Variants in ENOX2 observed in about 807,000 individuals in gnomAD.
The protein encoded by ENOX2 is ecto-NOX disulfide-thiol exchanger 2.
Under a neutral mutation model 45.0 loss-of-function variants are expected in ENOX2, and 36 were observed. The observed-to-expected ratio is 0.80, with a 90% CI of 0.61 to 1.06. The LOEUF is 1.06. Ranked by LOEUF, ENOX2 falls within the 50% of genes least tolerant of loss-of-function variation. ENOX2 has a pLI of 0.00. For synonymous variants in ENOX2, 174 were observed against 152.3 expected, an observed-to-expected ratio of 1.14 and a Z score of -1.05; for missense variants, 423 against 462.5, an observed-to-expected ratio of 0.91 and a Z score of 0.78.
At chrX:130,663,234 C>CA (rs1569482477) in intron 9 of ENOX2, among the ~76,000 whole-genome samples, 1 of 112,125 alleles carries the variant, frequency 8.9e-6, no homozygotes, top group Non-Finnish European at 1.9e-5. Context: ...ACATAGTTTG[C>CA]AAAAGTGTTG....
In ENOX2 at chrX:130,624,937, A is replaced by G; in HGVS notation, c.*377T>C. The G allele has an allele frequency of 7.7e-6, 1 of 130,047 alleles. No individual in the cohort carries two copies. The highest frequency in any genetic ancestry group is 1.5e-5 in the Non-Finnish European group (1 of 64,699). 10.7% of individuals were successfully genotyped at this position (130,047 alleles called of 1,213,427 possible). On this transcript the variant is annotated 3_prime_UTR_variant, in exon 15 of 15. Coordinates refer to ENST00000394363, the MANE Select transcript of ENOX2 (RefSeq NM_006375.4). ...ACATTAATGTAAAGAGAAGTTTAGA[A>G]ACACAAATCACATACAAATCATCAA...
chrX:130,748,805 G>A (rs1394596065), intron 3 of ENOX2, among the ~76,000 whole-genome samples: 1 of 111,681 alleles, frequency 9.0e-6, no homozygotes, highest in East Asian at 2.8e-4. Flanking sequence ...TTGATGCCCT[G>A]GAGTACTGAA....
At position 130,757,828 on chromosome X, in the gene ENOX2, G is replaced by A. The variant is rs538531402; in HGVS notation, c.-39+25719C>T. 3.6e-4 allele frequency among the ~76,000 whole-genome samples: 40 copies of A among 109,717 alleles called. No homozygotes were observed. The South Asian group carries it at 0.014, about 39-fold the overall frequency. On this transcript the variant is annotated intron_variant, in intron 3 of 14. Coordinates refer to ENST00000394363, the MANE Select transcript of ENOX2 (RefSeq NM_006375.4). ...AGCTCACTGCAGCCTCGACCTCCCAGGCTTAAGCAGTCTTCTTAGCTCAGC... is the reference window on the plus strand; with the variant it reads ...AGCTCACTGCAGCCTCGACCTCCCAAGCTTAAGCAGTCTTCTTAGCTCAGC...
At chrX:130,749,794 GTCTC>G (rs1347380974) in intron 3 of ENOX2, among the ~76,000 whole-genome samples, 1 of 109,741 alleles carries the variant, frequency 9.1e-6, no homozygotes, top group Non-Finnish European at 1.9e-5. Flanking sequence ...TTTGCAATTT[GTCTC>G]TCTGCTTGCA....
intron 3 of ENOX2, among the ~76,000 whole-genome samples, chrX:130,766,301 TG>T (rs2148363292): frequency 8.9e-6 from 1 of 112,044 alleles, no homozygotes; most frequent in African/African-American, 3.2e-5. Flanking sequence ...TCTATGGGAC[TG>T]CTTATGTTTT....
intron 2 of ENOX2, among the ~76,000 whole-genome samples, chrX:130,898,250 C>T (rs1272159676): frequency 8.9e-6 from 1 of 111,868 alleles, no homozygotes; most frequent in East Asian, 2.8e-4. Context: ...TCAGGTGATC[C>T]GCCTGCCTTG....
chrX:130,753,757 T>G (rs2039283438), intron 3 of ENOX2, among the ~76,000 whole-genome samples: 1 of 112,060 alleles, frequency 8.9e-6, no homozygotes, highest in African/African-American at 3.2e-5. Flanking sequence ...TCCATTCATC[T>G]ATTGATACAC....
intron 3 of ENOX2, among the ~76,000 whole-genome samples, chrX:130,750,027 TTC>T (rs1305883722): frequency 9.1e-6 from 1 of 110,384 alleles, no homozygotes; most frequent in Admixed American, 9.7e-5. Context: ...TCTTTCTTTC[TTC>T]TCTCTCTCTG....
chrX:130,693,590 A>T (rs959514787), intron 4 of ENOX2, among the ~76,000 whole-genome samples: 1 of 112,264 alleles, frequency 8.9e-6, no homozygotes, highest in Non-Finnish European at 1.9e-5. Context: ...AATTAATATG[A>T]TTGCAGATAT....
In ENOX2 at chrX:130,753,474, C is replaced by T. The variant is rs190300262; in HGVS notation, c.-39+30073G>A. Among the ~76,000 whole-genome samples the T allele has an allele frequency of 3.7e-3, 410 of 111,439 alleles. 1 individual carries two copies. The highest frequency in any genetic ancestry group is 0.012 in the African/African-American group (371 of 30,699). ...TCTGCCTTTCTGTTTTTCCATCTGA[C>T]TGGCTCTGTCTCTCCTTCTTGGTCT... On this transcript the variant is annotated intron_variant, in intron 3 of 14. Transcript: ENST00000394363.
chrX:130,832,440 TACACACAC>T (rs61623401), intron 2 of ENOX2, among the ~76,000 whole-genome samples: 20 of 91,063 alleles, frequency 2.2e-4, no homozygotes, highest in Admixed American at 8.4e-4. Context: ...CACACACACA[TACACACAC>T]ACACACACAC....
chrX:130,658,537 C>T (rs2036604072), intron 9 of ENOX2, among the ~76,000 whole-genome samples: 1 of 111,499 alleles, frequency 9.0e-6, no homozygotes, highest in African/African-American at 3.3e-5. Context: ...TCAAAGAGCT[C>T]AGTGAACCCC....
At chrX:130,889,693 A>G (rs1204151494) in intron 2 of ENOX2, among the ~76,000 whole-genome samples, 1 of 112,181 alleles carries the variant, frequency 8.9e-6, no homozygotes, top group East Asian at 2.8e-4. Flanking sequence ...ACCTACTATA[A>G]TAAAAAGTGC....
chrX:130,821,338 ACAC>A (rs1395012845), intron 2 of ENOX2, among the ~76,000 whole-genome samples: 1 of 97,310 alleles, frequency 1.0e-5, no homozygotes, highest in Admixed American at 1.2e-4. Flanking sequence ...TGGCACATAT[ACAC>A]CATGGAATAC....
rs769237011 is a variant in ENOX2 at position 130,766,078 on chromosome X, T to C, written c.-39+17469A>G. Among the ~76,000 whole-genome samples, 7 of 111,808 alleles carry C rather than the reference T, an allele frequency of 6.3e-5. No homozygotes were observed. In the South Asian group the frequency reaches 2.2e-3, roughly 35 times the overall value. ...TGCAATAGATGTCTTAAGGCATTAG[T>C]ACTTTGTTCTTTCCAGGAACCCCAA... On this transcript the variant is annotated intron_variant, in intron 3 of 14. Transcript: ENST00000394363.
rs67776619 is a variant in ENOX2 at position 130,742,245 on chromosome X, C to CTT, written c.-38-38993_-38-38992dup. On this transcript the variant is annotated intron_variant, in intron 3 of 14. Coordinates refer to ENST00000394363, the MANE Select transcript of ENOX2 (RefSeq NM_006375.4). ...TGTCTGGTTTGGTACAGATAATTTCCTTTTTTTTTTTTTTTTTTTTTTTTT... is the reference window on the plus strand; with the variant it reads ...TGTCTGGTTTGGTACAGATAATTTCCTTTTTTTTTTTTTTTTTTTTTTTTTTT... Among the ~76,000 whole-genome samples the CTT allele has an allele frequency of 5.3e-3, 317 of 60,147 alleles. 31 individuals are homozygous for CTT. The highest frequency in any genetic ancestry group is 0.016 in the African/African-American group (231 of 14,355). The allele number at this position is 60,147 out of a possible 115,157, so 52.2% of individuals were successfully genotyped here.
At chrX:130,704,404 G>A (rs935866544) in intron 3 of ENOX2, among the ~76,000 whole-genome samples, 6 of 111,787 alleles carry the variant, frequency 5.4e-5, no homozygotes, top group African/African-American at 1.3e-4. Context: ...ACATTGAAAC[G>A]GGTTTTATAA....
intron 2 of ENOX2, among the ~76,000 whole-genome samples, chrX:130,875,548 G>A (rs1395514933): frequency 1.8e-5 from 2 of 111,622 alleles, no homozygotes; most frequent in South Asian, 3.7e-4. Flanking sequence ...TCAAGACCAC[G>A]CAACAGAGAA....
intron 3 of ENOX2, among the ~76,000 whole-genome samples, chrX:130,732,355 CACAA>C (rs1425005460): frequency 9.0e-6 from 1 of 111,619 alleles, no homozygotes; most frequent in Non-Finnish European, 1.9e-5. Context: ...TTAAAGAAGA[CACAA>C]ACAAATGAAA....
Sources: allele counts gnomAD v4.1 joint callset (sites outside exome capture counted in the v4.1 genomes callset), GRCh38; gene constraint gnomAD v4.1.1; transcripts MANE v1.5; gene names NCBI Gene and HGNC (gene_info 2026-07-23, HGNC 2026-07-21).